Variants in KIF6 observed in about 807,000 individuals in gnomAD.
KIF6 encodes kinesin family member 6, also known as kinesin-like protein KIF6.
In KIF6, 106 loss-of-function variants were observed where a neutral mutation model predicts 112.7. The ratio of observed to expected loss-of-function variants is 0.94; its 90% CI spans 0.80 to 1.11. KIF6 has a LOEUF of 1.11. Ranked by LOEUF, KIF6 falls within the 50% of genes least tolerant of loss-of-function variation. The probability of loss-of-function intolerance (pLI) is 0.00; values close to 1 mark genes in which losing one functional copy is unlikely to be tolerated. For synonymous variants in KIF6, 339 were observed against 339.9 expected, an observed-to-expected ratio of 1.00 and a Z score of 0.03; for missense variants, 929 against 964.0, an observed-to-expected ratio of 0.96 and a Z score of 0.48.
intron 9 of KIF6, among the ~76,000 whole-genome samples, chr6:39,582,001 T>C (rs762754083): frequency 3.9e-5 from 6 of 152,218 alleles, no homozygotes; most frequent in Non-Finnish European, 8.8e-5. Flanking sequence ...TTTACTGAAA[T>C]GTATCGGATC....
chr6:39,444,518 G>A lies in KIF6; in HGVS notation c.1646-13357C>T, dbSNP rs145177279. Among the ~76,000 whole-genome samples the A allele has an allele frequency of 5.3e-5, 8 of 152,068 alleles. No individual in the cohort carries two copies. In the East Asian group the frequency reaches 9.7e-4, roughly 18 times the overall value. ...CTGTTAACAAGTACTGAGAATCTAC[G>A]CTATTGACACCCTTAAGATCTTAAG... On this transcript the variant is annotated intron_variant, in intron 13 of 22. Transcript: ENST00000287152.
intron 13 of KIF6, among the ~76,000 whole-genome samples, chr6:39,458,208 T>C (rs1175560489): frequency 6.7e-6 from 1 of 148,250 alleles, no homozygotes; most frequent in African/African-American, 2.5e-5. Flanking sequence ...GATGCAAGGC[T>C]GGTTCAATAT....
chr6:39,722,643 T>C (rs1790284621), intron 1 of KIF6, among the ~76,000 whole-genome samples: 1 of 152,138 alleles, frequency 6.6e-6, no homozygotes, highest in South Asian at 2.1e-4. Context: ...AGAAAAAAAT[T>C]CCTTTGAGTC....
At chr6:39,555,453 T>A (rs1280614742) in intron 10 of KIF6, among the ~76,000 whole-genome samples, 3 of 152,004 alleles carry the variant, frequency 2.0e-5, no homozygotes, top group Non-Finnish European at 4.4e-5. Context: ...GCTACCCTGC[T>A]GGGCCCTCAG....
intron 15 of KIF6, among the ~76,000 whole-genome samples, chr6:39,401,742 C>T (rs531095023): frequency 9.2e-5 from 14 of 152,080 alleles, no homozygotes; most frequent in African/African-American, 2.9e-4. Flanking sequence ...TGTGCACATG[C>T]CTGGCATGTG....
chr6:39,615,319 A>G (rs1388861177), intron 5 of KIF6, among the ~76,000 whole-genome samples: 1 of 152,198 alleles, frequency 6.6e-6, no homozygotes, highest in Admixed American at 6.5e-5. Context: ...GACAGATACA[A>G]TACTATTCTT....
intron 3 of KIF6, among the ~76,000 whole-genome samples, chr6:39,671,882 C>T (rs1243144842): frequency 6.6e-6 from 1 of 152,170 alleles, no homozygotes; most frequent in South Asian, 2.1e-4. Flanking sequence ...ACTCTGGTTT[C>T]CTCCCATACT....
intron 3 of KIF6, among the ~76,000 whole-genome samples, chr6:39,641,403 T>C (rs1321713965): frequency 1.3e-5 from 2 of 150,242 alleles, no homozygotes; most frequent in African/African-American, 4.9e-5. Context: ...GGCAAAAAAC[T>C]AAACACCACA....
chr6:39,708,748 T>G (rs1354068119), intron 3 of KIF6, among the ~76,000 whole-genome samples: 1 of 152,190 alleles, frequency 6.6e-6, no homozygotes, highest in East Asian at 1.9e-4. Context: ...TGTCTAGACT[T>G]CATAGTTTTC....
At chr6:39,506,369 C>T (rs755889205) in intron 13 of KIF6, among the ~76,000 whole-genome samples, 1 of 151,748 alleles carries the variant, frequency 6.6e-6, no homozygotes, top group Non-Finnish European at 1.5e-5. Flanking sequence ...GGGTTGGGCA[C>T]GAGGGGAGGG....
chr6:39,576,157 A>C (rs2150633288), intron 10 of KIF6, among the ~76,000 whole-genome samples: 1 of 152,016 alleles, frequency 6.6e-6, no homozygotes, highest in South Asian at 2.1e-4. Context: ...TTTGAGATGG[A>C]GTTTCACTCC....
At chr6:39,393,699 G>C (rs144002667) in intron 15 of KIF6, among the ~76,000 whole-genome samples, 2,105 of 152,230 alleles carry the variant, frequency 0.014, 50 homozygotes, top group African/African-American at 0.048. Flanking sequence ...TGTTCAGTGG[G>C]GAGTTAAAAC....
chr6:39,521,914 C>T (rs901742021), intron 13 of KIF6, among the ~76,000 whole-genome samples: 1 of 152,182 alleles, frequency 6.6e-6, no homozygotes, highest in Non-Finnish European at 1.5e-5. Flanking sequence ...CAAGACCCTC[C>T]AGGCAACTGT....
intron 13 of KIF6, among the ~76,000 whole-genome samples, chr6:39,534,555 G>T (rs564123005): frequency 1.4e-4 from 22 of 152,312 alleles, no homozygotes; most frequent in Non-Finnish European, 2.8e-4. Context: ...AGAAATATGG[G>T]ACTATGTGAA....
At position 39,642,553 on chromosome 6, in the gene KIF6, C is replaced by G. The variant is rs181314798; in HGVS notation, c.252-2796G>C. ...CTCTGGAAAAGCTCCACTCATGGTACTTGTCTTTGTTAGACCTGATTCAGA... is the reference window on the plus strand; with the variant it reads ...CTCTGGAAAAGCTCCACTCATGGTAGTTGTCTTTGTTAGACCTGATTCAGA... On this transcript the variant is annotated intron_variant, in intron 3 of 22. Transcript: ENST00000287152. 3.3e-5 allele frequency among the ~76,000 whole-genome samples: 5 copies of G among 152,240 alleles called. No individual in the cohort carries two copies. In the East Asian group the frequency reaches 7.7e-4, roughly 24 times the overall value.
intron 10 of KIF6, among the ~76,000 whole-genome samples, chr6:39,558,843 A>G (rs911022817): frequency 2.6e-5 from 4 of 152,184 alleles, no homozygotes; most frequent in African/African-American, 9.7e-5. Flanking sequence ...GCCTATTAGA[A>G]CCCAAAACAC....
At chr6:39,673,542 T>C (rs181752265) in intron 3 of KIF6, among the ~76,000 whole-genome samples, 12 of 152,344 alleles carry the variant, frequency 7.9e-5, no homozygotes, top group Admixed American at 7.8e-4. Context: ...CATGAACAAG[T>C]AAATTGAGTT....
At position 39,342,612 on chromosome 6, in the gene KIF6, TTTTTTTTTA is replaced by T. The variant is rs2113894533; in HGVS notation, c.2428+1088_2428+1096del. ...GAATCCAGTTTTTTATTTTTTTTTATTTTTTTTTATTTTTTTTTATTTTTAGACAAGGAA... is the reference window on the plus strand; with the variant it reads ...GAATCCAGTTTTTTATTTTTTTTTATTTTTTTTTTATTTTTAGACAAGGAA... On this transcript the variant is annotated intron_variant, in intron 22 of 22. Transcript: ENST00000287152. This position sits in a 1 kb window ranked among gnomAD's most constrained non-coding sequence, Gnocchi z 4.7. 8.5e-6 allele frequency among the ~76,000 whole-genome samples: 1 copy of T among 117,328 alleles called. No individual in the cohort carries two copies. Among genetic ancestry groups the T allele is most frequent in the South Asian group, 2.4e-4 (1 of 4,106 alleles). 77.0% of individuals were successfully genotyped at this position (117,328 alleles called of 152,430 possible).
intron 13 of KIF6, among the ~76,000 whole-genome samples, chr6:39,469,733 A>G (rs999114444): frequency 3.9e-5 from 6 of 152,188 alleles, no homozygotes; most frequent in South Asian, 2.1e-4. Flanking sequence ...ATGATGATAA[A>G]AGCATCAATC....
Sources: gnomAD v4.1 joint callset for allele counts (sites outside exome capture counted in the v4.1 genomes callset) on GRCh38, gnomAD v4.1.1 for gene constraint, Gnocchi (gnomAD v3.1) non-coding constraint, MANE v1.5 for transcripts, NCBI Gene and HGNC (gene_info 2026-07-23, HGNC 2026-07-21) for gene names.